The following CPM variants were observed in gnomAD, a reference collection of about 807,000 sequenced individuals.
The protein encoded by CPM is renal carboxypeptidase.
A neutral mutation model predicts 46.4 loss-of-function variants in CPM; 35 were observed. That is an observed-to-expected ratio of 0.75 (90% confidence interval 0.58 to 1.00). The LOEUF (loss-of-function observed/expected upper bound fraction) is 1.00. Ranked by LOEUF, CPM falls within the 50% of genes least tolerant of loss-of-function variation. The pLI is 0.00. For synonymous variants in CPM, 195 were observed against 195.3 expected, an observed-to-expected ratio of 1.00 and a Z score of 0.01; for missense variants, 422 against 530.4, an observed-to-expected ratio of 0.80 and a Z score of 2.01.
intron 2 of CPM, among the ~76,000 whole-genome samples, chr12:68,903,055 T>G (rs1817001990): frequency 6.6e-6 from 1 of 152,210 alleles, no homozygotes; most frequent in African/African-American, 2.4e-5. Context: ...TTCTTTTGTA[T>G]CTATAAGAGC....
At chr12:68,872,550 G>T (rs1885754874) in intron 3 of CPM, among the ~76,000 whole-genome samples, 1 of 152,098 alleles carries the variant, frequency 6.6e-6, no homozygotes, top group African/African-American at 2.4e-5. Flanking sequence ...ACTGCGCCCG[G>T]CCGCAATAAT....
intron 7 of CPM, among the ~76,000 whole-genome samples, chr12:68,862,014 C>CT (rs1885240951): frequency 1.1e-5 from 1 of 89,648 alleles, no homozygotes; most frequent in Non-Finnish European, 2.4e-5. Flanking sequence ...ACAGATTTGA[C>CT]TTTTTTGACA....
chr12:68,914,358 T>C (rs1887722570), intron 2 of CPM, among the ~76,000 whole-genome samples: 1 of 151,866 alleles, frequency 6.6e-6, no homozygotes, highest in Non-Finnish European at 1.5e-5. Context: ...GAGGAAAATG[T>C]GTAAAGAGCC....
Position 68,933,162 on chromosome 12 carries a change from C to T in CPM, c.-24G>A. On this transcript the variant is annotated 5_prime_UTR_variant, in exon 1 of 9. Coordinates refer to ENST00000551568, the MANE Select transcript of CPM (RefSeq NM_198320.5). ...CTCACCAGGTCCCAGGCGCGCACCT[C>T]TACCCACCCGCGGCCGCCCGGCGGG... is the stretch of plus-strand genomic sequence containing the variant. 1 of 182,858 alleles carries T rather than the reference C, an allele frequency of 5.5e-6. No homozygotes were observed. The highest frequency in any genetic ancestry group is 1.1e-5 in the Non-Finnish European group (1 of 89,188). The allele number at this position is 182,858 out of a possible 1,614,324, so 11.3% of individuals were successfully genotyped here. A position where few individuals can be genotyped will look rare whatever the true frequency, so the allele number is the denominator to read the frequency against.
chr12:68,941,170 C>CGTGTGTGTGTGTGTGTGTGTGTGT (rs370705580), intron 1 of CPM, among the ~76,000 whole-genome samples: 2 of 140,506 alleles, frequency 1.4e-5, no homozygotes, highest in Non-Finnish European at 3.1e-5. Context: ...GTGCTGAGTA[C>CGTGTGTGTGTGTGTGTGTGTGTGT]GTGTGTGTGT....
intron 2 of CPM, among the ~76,000 whole-genome samples, chr12:68,922,317 T>C (rs965237762): frequency 6.6e-6 from 1 of 152,280 alleles, no homozygotes; most frequent in Non-Finnish European, 1.5e-5. Flanking sequence ...GTTATGTGTT[T>C]GAATAACTGT....
rs1239073353 is a variant in CPM, at chr12:68,871,721, G to C, written c.431+63C>G. The C allele has an allele frequency of 3.2e-6, 5 of 1,565,000 alleles. No homozygotes were observed. In the Admixed American group the frequency reaches 8.5e-5, roughly 27 times the overall value. ...CATCTCCTCTTGCCAAGGCCAACAG[G>C]TGCCTGTCGGGAGCCTTTGTGTTGT... On this transcript the variant is annotated intron_variant, in intron 4 of 8. Transcript: ENST00000551568.
chr12:68,874,287 G>A (rs2136236114), intron 3 of CPM, among the ~76,000 whole-genome samples: 1 of 152,158 alleles, frequency 6.6e-6, no homozygotes, highest in East Asian at 1.9e-4. Context: ...CCAGTGGGGA[G>A]GAGCTGGTAA....
At chr12:68,960,265 C>T (rs995423766) in intron 1 of CPM, among the ~76,000 whole-genome samples, 1 of 152,176 alleles carries the variant, frequency 6.6e-6, no homozygotes, top group Admixed American at 6.5e-5. Context: ...AGATTTTTCT[C>T]AATACGATGT....
rs1401526664 is a variant in CPM, at chr12:68,853,108, A to ATAAC, written c.*3325_*3328dup. The ATAAC allele has an allele frequency of 6.6e-6, 1 of 152,216 alleles. No individual in the cohort carries two copies. The highest frequency in any genetic ancestry group is 1.5e-5 in the Non-Finnish European group (1 of 68,040). 9.4% of individuals were successfully genotyped at this position (152,216 alleles called of 1,614,324 possible). On this transcript the variant is annotated 3_prime_UTR_variant, in exon 9 of 9. Coordinates refer to ENST00000551568, the MANE Select transcript of CPM (RefSeq NM_198320.5). Reference sequence around the variant, plus strand: ...CTTTAAATGATTTTGAGTCTGATAGATAACTAAATTCTGATTTTAAAAACT... The same window carrying ATAAC: ...CTTTAAATGATTTTGAGTCTGATAGATAACTAACTAAATTCTGATTTTAAAAACT...
upstream of CPM, among the ~76,000 whole-genome samples, chr12:68,937,857 A>G (rs1888696869): frequency 6.6e-6 from 1 of 152,256 alleles, no homozygotes; most frequent in Admixed American, 6.5e-5. Context: ...TTTTAATTTA[A>G]AAGCAAAGCA....
chr12:68,850,921 G>C (rs1230318493), downstream of CPM, among the ~76,000 whole-genome samples: 1 of 151,812 alleles, frequency 6.6e-6, no homozygotes, highest in South Asian at 2.1e-4. Flanking sequence ...TCTTGTCCAT[G>C]GAACACACTG....
intron 5 of CPM, chr12:68,845,143 G>A (rs1475118861): frequency 8.9e-6 from 2 of 223,820 alleles, no homozygotes; most frequent in African/African-American, 4.5e-5. Context: ...TAATGGCATT[G>A]TGAAAAGTTT....
At chr12:68,953,208 C>T (rs553195273) in intron 1 of CPM, among the ~76,000 whole-genome samples, 29 of 152,168 alleles carry the variant, frequency 1.9e-4, no homozygotes, top group Admixed American at 1.2e-3. Context: ...TCACGTGCCC[C>T]GGTAACGGTG....
chr12:68,869,457 C>G lies in CPM; in HGVS notation c.655G>C (p.Asp219His). ...TGTGCAAGATATTGAAAAACATCAT[C>G]ATCAGGCGTTAAGCTTCGGGAGTAT... ...ALYSRSLTPD[D>H]DVFQYLAHTY... Residue 219 changes from aspartate (D) to histidine (H), a missense_variant, in exon 6 of 9, where the codon GAT becomes CAT. By Grantham distance (81) the Asp-to-His change is moderately conservative (BLOSUM62 -1). Transcript: ENST00000551568. The G allele has an allele frequency of 2.5e-6, 4 of 1,613,076 alleles. No individual in the cohort carries two copies. Among genetic ancestry groups the G allele is most frequent in the Non-Finnish European group, 3.4e-6 (4 of 1,179,350 alleles).
chr12:68,843,621 A>G (rs113989776), intron 5 of CPM: 3,210 of 226,450 alleles, frequency 0.014, 116 homozygotes, highest in African/African-American at 0.067. Flanking sequence ...CAATAAAATC[A>G]ACTGAACTGT....
At chr12:68,941,042 A>C (rs1342851223) in intron 1 of CPM, among the ~76,000 whole-genome samples, 7 of 151,994 alleles carry the variant, frequency 4.6e-5, no homozygotes, top group African/African-American at 1.7e-4. Flanking sequence ...TAAAAGTCTG[A>C]CTAGTTTAGA....
intron 8 of CPM, among the ~76,000 whole-genome samples, chr12:68,856,909 G>A (rs1304566335): frequency 6.6e-6 from 1 of 152,154 alleles, no homozygotes; most frequent in Non-Finnish European, 1.5e-5. Context: ...AATGAAATAA[G>A]GACAGATGGG....
chr12:68,934,795 G>T (rs1276488175), upstream of CPM, among the ~76,000 whole-genome samples: 5 of 152,190 alleles, frequency 3.3e-5, no homozygotes, highest in African/African-American at 1.2e-4. Flanking sequence ...CCTAAATAAG[G>T]TTGGCAGGCA....
Sources: allele counts gnomAD v4.1 joint callset (sites outside exome capture counted in the v4.1 genomes callset), GRCh38; gene constraint gnomAD v4.1.1; transcripts MANE v1.5; gene names NCBI Gene and HGNC (gene_info 2026-07-23, HGNC 2026-07-21).